KIR3DL1: variants seen among roughly 807,000 people sequenced by gnomAD.
KIR3DL1 encodes killer cell immunoglobulin like receptor, three Ig domains and long cytoplasmic tail 1.
A neutral mutation model predicts 40.3 loss-of-function variants in KIR3DL1; 50 were observed. That is an observed-to-expected ratio of 1.24 (90% confidence interval 0.99 to 1.57). The LOEUF is 1.57. KIR3DL1 is among the 40% of genes most tolerant of loss of function. KIR3DL1 has a pLI of 0.00. For missense variants in KIR3DL1, 661 were observed against 559.9 expected (o/e 1.18, Z -1.82); for synonymous variants, 257 against 207.2 (o/e 1.24, Z -2.07).
At chr19:54,824,303 G>A (rs4806451) in intron 5 of KIR3DL1, among the ~76,000 whole-genome samples, 25,602 of 151,032 alleles carry the variant, frequency 0.17, 2,847 homozygotes, top group East Asian at 0.46. Flanking sequence ...TCCTCTGCAT[G>A]TAGATATCCA....
rs1453942068 is a variant in KIR3DL1 at position 54,824,443 on chromosome 19, G to A, written c.950-585G>A. ...TGCAATTCCAGCACTTTGGGAGGCC[G>A]AGGCGGGTGGATCACCTGAAGCCAG... On this transcript the variant is annotated intron_variant, in intron 5 of 8. Coordinates refer to ENST00000391728, the Ensembl canonical transcript of KIR3DL1. Among the ~76,000 whole-genome samples, 16 of 151,448 alleles carry A rather than the reference G, an allele frequency of 1.1e-4. 1 individual carries two copies. The highest frequency in any genetic ancestry group is 2.1e-4 in the South Asian group (1 of 4,760).
At position 54,818,525 on chromosome 19, in the gene KIR3DL1, C is replaced by G. The variant is rs539580356; in HGVS notation, c.281C>G (p.Thr94Arg). Residue 94 changes from threonine to arginine, a missense_variant, in exon 3 of 9, where the codon ACA (threonine) becomes AGA (arginine). Coordinates refer to ENST00000391728, the Ensembl canonical transcript of KIR3DL1. Reference sequence around the variant, plus strand: ...ACCACAGCACATGCAGGGAACTACACATGTCGGGGTTCACACCCACACTCC... The same window carrying G: ...ACCACAGCACATGCAGGGAACTACAGATGTCGGGGTTCACACCCACACTCC... 4.5e-5 allele frequency: 73 copies of G among 1,611,610 alleles called. 1 individual carries two copies. Among genetic ancestry groups the G allele is most frequent in the South Asian group, 8.8e-5 (8 of 90,642 alleles).
chr19:54,816,674 G>C, intron 1 of KIR3DL1, 140 bp downstream of exon 1: 1 of 1,371,622 alleles, frequency 7.3e-7, no homozygotes, highest in Admixed American at 1.9e-5. Flanking sequence ...GCCTGGAGTG[G>C]AGATCTGGGC....
Position 54,817,971 on chromosome 19 carries a change from A to T in KIR3DL1, c.71-344A>T, listed in dbSNP as rs377243774. Among the ~76,000 whole-genome samples, 22 of 148,910 alleles carry T rather than the reference A, an allele frequency of 1.5e-4. 1 individual carries two copies. The highest frequency in any genetic ancestry group is 4.8e-4 in the African/African-American group (19 of 39,466). Reference sequence around the variant, plus strand: ...AGGAAACCACAGCCATGGCCCTGACATTCCAAATCCTCTGATGGGGGCTCA... The same window carrying T: ...AGGAAACCACAGCCATGGCCCTGACTTTCCAAATCCTCTGATGGGGGCTCA... On this transcript the variant is annotated intron_variant, in intron 2 of 8. Coordinates refer to ENST00000391728, the Ensembl canonical transcript of KIR3DL1.
At chr19:54,818,277 C>T in intron 2 of KIR3DL1, 38 bp from the exon 3 acceptor site, 1 of 1,573,600 alleles carries the variant, frequency 6.4e-7, no homozygotes, top group Non-Finnish European at 8.6e-7. Flanking sequence ...GGCGGCTCCA[C>T]ATCCTCCTCT....
In KIR3DL1 at chr19:54,824,448, G is replaced by A. The variant is rs1358067922; in HGVS notation, c.950-580G>A. Among the ~76,000 whole-genome samples, 343 of 151,526 alleles carry A rather than the reference G, an allele frequency of 2.3e-3. 9 individuals are homozygous for A. The highest frequency in any genetic ancestry group is 7.8e-3 in the African/African-American group (321 of 41,106). ...TTCCAGCACTTTGGGAGGCCGAGGC[G>A]GGTGGATCACCTGAAGCCAGGAGTT... On this transcript the variant is annotated intron_variant, in intron 5 of 8. Transcript: ENST00000391728.
intron 4 of KIR3DL1, 99 bp downstream of exon 4, chr19:54,820,111 G>T (rs1319845755): frequency 5.4e-6 from 7 of 1,290,356 alleles, no homozygotes; most frequent in South Asian, 1.3e-5. Flanking sequence ...ATAAGTGTGG[G>T]ATTCTTATGG....
chr19:54,826,779 A>T (rs2061916205), intron 6 of KIR3DL1, among the ~76,000 whole-genome samples: 1 of 151,216 alleles, frequency 6.6e-6, no homozygotes, highest in Non-Finnish European at 1.5e-5. Context: ...CCGTGAAGGC[A>T]GAAAGCTGAA....
chr19:54,821,942 TG>T, intron 5 of KIR3DL1, 84 bp downstream of exon 5: 1 of 1,466,224 alleles, frequency 6.8e-7, no homozygotes, highest in Non-Finnish European at 9.4e-7. Flanking sequence ...GAGAAAAGCA[TG>T]GACAGATGCA....
intron 4 of KIR3DL1, 93 bp downstream of exon 4, chr19:54,820,105 G>T (rs1569442264): frequency 1.5e-6 from 2 of 1,352,328 alleles, no homozygotes; most frequent in Non-Finnish European, 2.1e-6. Context: ...AGGAAGATAA[G>T]TGTGGGATTC....
chr19:54,827,398 C>G (rs562721329), intron 6 of KIR3DL1, among the ~76,000 whole-genome samples: 1 of 150,432 alleles, frequency 6.6e-6, no homozygotes, highest in African/African-American at 2.5e-5. Flanking sequence ...CGAGACCAGC[C>G]TGGCCAACAT....
At chr19:54,816,656 A>C in intron 1 of KIR3DL1, 122 bp downstream of exon 1, 1 of 1,427,998 alleles carries the variant, frequency 7.0e-7, no homozygotes, top group South Asian at 1.2e-5. Flanking sequence ...CCTGAAGTGG[A>C]GATCTGGGCC....
intron 3 of KIR3DL1, 88 bp downstream of exon 3, chr19:54,818,687 C>T: frequency 6.6e-7 from 1 of 1,514,032 alleles, no homozygotes; most frequent in Non-Finnish European, 8.8e-7. Flanking sequence ...GTCCCATCAC[C>T]CAGGCCCTGA....
At chr19:54,829,406 T>A (rs1130466) in exon 7 of KIR3DL1, 15,325 of 1,347,604 alleles carry the variant, frequency 0.011, 2,891 homozygotes, top group South Asian at 0.029. Flanking sequence ...TCAGTGGTCA[T>A]CATCCTCTTC....
At chr19:54,818,367 A>T (rs642941) in exon 3 of KIR3DL1, 125 of 1,604,536 alleles carry the variant, frequency 7.8e-5, no homozygotes, top group Non-Finnish European at 1.0e-4. Context: ...TGGTGCCTCG[A>T]GGAGGACACG....
At chr19:54,828,088 C>T (rs1420915583) in intron 6 of KIR3DL1, among the ~76,000 whole-genome samples, 3 of 150,812 alleles carry the variant, frequency 2.0e-5, no homozygotes, top group South Asian at 2.1e-4. Context: ...GGGGGTGGTC[C>T]TTCCCCCAGC....
chr19:54,830,186 C>T lies in KIR3DL1; in HGVS notation c.1246C>T (p.Gln416Ter). 1 of 1,524,550 alleles carries T rather than the reference C, an allele frequency of 6.6e-7. No individual in the cohort carries two copies. The highest frequency in any genetic ancestry group is 8.9e-7 in the Non-Finnish European group (1 of 1,122,906). 94.4% of individuals were successfully genotyped at this position (1,524,550 alleles called of 1,614,324 possible). A position where few individuals can be genotyped will look rare whatever the true frequency, so the allele number is the denominator to read the frequency against. The stretch of plus-strand genomic sequence containing the variant: ...ACAGAGAAAAATCACTCGCCCTTCT[C>T]AGAGGCCCAAGACACCCCCTACAGA... The change falls in exon 9 of 9, where the codon CAG becomes TAG. Residue 416 changes from glutamine to a stop codon, truncating the protein, a stop_gained. Coordinates refer to ENST00000391728, the Ensembl canonical transcript of KIR3DL1. LOFTEE classifies it low-confidence loss of function (END_TRUNC).
Position 54,823,906 on chromosome 19 carries a change from G to C in KIR3DL1, c.950-1122G>C, listed in dbSNP as rs576203179. Among the ~76,000 whole-genome samples, 164 of 150,984 alleles carry C rather than the reference G, an allele frequency of 1.1e-3. 5 individuals are homozygous for C. Among genetic ancestry groups the C allele is most frequent in the African/African-American group, 3.7e-3 (151 of 40,898 alleles). ...TGATCGCCATTTCTATGTTTTGTTT[G>C]TGGAGAAATGTCTCCTCATGTCTTT... On this transcript the variant is annotated intron_variant, in intron 5 of 8. Transcript: ENST00000391728.
At chr19:54,821,456 G>A (rs1162041142) in intron 4 of KIR3DL1, 109 bp from the exon 5 acceptor site, 5 of 1,327,006 alleles carry the variant, frequency 3.8e-6, no homozygotes, top group Non-Finnish European at 5.2e-6. Context: ...GTGAGAGAGA[G>A]AGAGAGAGCA....
Sources: gnomAD v4.1 joint callset for allele counts (sites outside exome capture counted in the v4.1 genomes callset) on GRCh38, gnomAD v4.1.1 for gene constraint, MANE v1.5 for transcripts, NCBI Gene and HGNC (gene_info 2026-07-23, HGNC 2026-07-21) for gene names.